C4orf51: variants seen among roughly 807,000 people sequenced by gnomAD.
C4orf51 encodes the protein chromosome 4 open reading frame 51, also known as uncharacterized protein C4orf51.
In C4orf51, 25 loss-of-function variants were observed where a neutral mutation model predicts 25.2. The ratio of observed to expected loss-of-function variants is 0.99; its 90% CI spans 0.72 to 1.39. C4orf51 has a LOEUF of 1.39. C4orf51 is among the 40% of genes most tolerant of loss of function. C4orf51 has a pLI of 0.00. For synonymous variants in C4orf51, 100 were observed against 84.5 expected (o/e 1.18, Z -1.01); for missense variants, 252 against 239.6 (o/e 1.05, Z -0.34).
intron 1 of C4orf51, among the ~76,000 whole-genome samples, chr4:145,693,149 C>A (rs1039000098): frequency 1.4e-5 from 2 of 146,534 alleles, no homozygotes; most frequent in Non-Finnish European, 3.0e-5. Context: ...GAACAAAGGT[C>A]TCTGGTTTTC....
chr4:145,696,863 C>T (rs1730096394), intron 2 of C4orf51, among the ~76,000 whole-genome samples: 1 of 152,038 alleles, frequency 6.6e-6, no homozygotes. Flanking sequence ...TGAAACCCAT[C>T]TCTACCAAAA....
chr4:145,704,371 A>G (rs1730660777), intron 2 of C4orf51, among the ~76,000 whole-genome samples: 1 of 152,236 alleles, frequency 6.6e-6, no homozygotes, highest in Non-Finnish European at 1.5e-5. Context: ...AATTTCCCCC[A>G]CTTAGAATAG....
intron 2 of C4orf51, among the ~76,000 whole-genome samples, chr4:145,721,833 CTT>C (rs1046896730): frequency 6.6e-5 from 10 of 152,258 alleles, no homozygotes; most frequent in African/African-American, 2.2e-4. Flanking sequence ...TTTTAGTAGA[CTT>C]ATATGAACAA....
At chr4:145,696,980 T>C (rs1023185119) in intron 2 of C4orf51, among the ~76,000 whole-genome samples, 1 of 151,974 alleles carries the variant, frequency 6.6e-6, no homozygotes, top group Non-Finnish European at 1.5e-5. Context: ...GAGGTTGCAG[T>C]GAGCCGAGGT....
chr4:145,750,378 A>G (rs749934132), intron 1 of C4orf51, among the ~76,000 whole-genome samples: 2 of 144,562 alleles, frequency 1.4e-5, no homozygotes, highest in Non-Finnish European at 3.0e-5. Context: ...TGTTTGAAGG[A>G]TATTTTCACC....
chr4:145,721,368 C>T (rs1435744101), intron 2 of C4orf51, among the ~76,000 whole-genome samples: 3 of 147,178 alleles, frequency 2.0e-5, no homozygotes, highest in African/African-American at 7.6e-5. Context: ...AAAAAGATCA[C>T]ACTGGCCACC....
At chr4:145,692,251 G>GA (rs539047097) in intron 1 of C4orf51, among the ~76,000 whole-genome samples, 110 of 152,302 alleles carry the variant, frequency 7.2e-4, no homozygotes, top group South Asian at 1.7e-3. Flanking sequence ...TAATGAATAA[G>GA]AAAAAACTAT....
At chr4:145,696,887 A>G (rs558346972) in intron 2 of C4orf51, among the ~76,000 whole-genome samples, 2 of 151,954 alleles carry the variant, frequency 1.3e-5, no homozygotes, top group Admixed American at 6.5e-5. Flanking sequence ...CAAAAACAAT[A>G]TTAGCTGGGT....
downstream of C4orf51, among the ~76,000 whole-genome samples, chr4:145,754,662 C>T (rs1733844835): frequency 6.6e-6 from 1 of 152,210 alleles, no homozygotes; most frequent in Admixed American, 6.5e-5. Context: ...AAGCCGGGCG[C>T]AGTGGCTCGC....
the C4orf51 span, chr4:145,779,383 G>A: frequency 1.2e-6 from 2 of 1,614,080 alleles, no homozygotes; most frequent in Non-Finnish European, 1.7e-6. Context: ...CCTGTGTGCA[G>A]CGAGAGGTGT....
intron 2 of C4orf51, among the ~76,000 whole-genome samples, chr4:145,703,358 C>T (rs1157462868): frequency 1.3e-5 from 2 of 152,010 alleles, no homozygotes; most frequent in African/African-American, 4.8e-5. Flanking sequence ...TTTTCCTTTA[C>T]CTACCCAAAT....
At chr4:145,749,291 A>T (rs1733547050) in intron 1 of C4orf51, among the ~76,000 whole-genome samples, 1 of 151,886 alleles carries the variant, frequency 6.6e-6, no homozygotes, top group Non-Finnish European at 1.5e-5. Context: ...TTCATAGGTG[A>T]AGTGTATTTC....
intron 1 of C4orf51, among the ~76,000 whole-genome samples, chr4:145,688,795 A>G (rs962623168): frequency 3.9e-5 from 6 of 152,234 alleles, no homozygotes; most frequent in African/African-American, 1.4e-4. Flanking sequence ...TACAGTTCCA[A>G]TAGGTGTTTT....
In C4orf51 at chr4:145,732,774, A is replaced by T. The variant is rs1322136091; in HGVS notation, c.*214A>T. ...AGAGACAAAAGTTTTTATAATCTTT[A>T]TTAAATTTTCCTTTTTAAATAAATA... On this transcript the variant is annotated 3_prime_UTR_variant, in exon 6 of 6. Coordinates refer to ENST00000438731, the MANE Select transcript of C4orf51 (RefSeq NM_001080531.3). 9.5e-6 allele frequency: 4 copies of T among 420,410 alleles called. No homozygotes were observed. The East Asian group carries it at 1.5e-4, about 16-fold the overall frequency. The allele number at this position is 420,410 out of a possible 1,614,324, so 26.0% of individuals were successfully genotyped here.
intron 1 of C4orf51, among the ~76,000 whole-genome samples, chr4:145,744,424 A>G (rs1413982078): frequency 6.6e-6 from 1 of 152,214 alleles, no homozygotes; most frequent in African/African-American, 2.4e-5. Flanking sequence ...CCAAATTGTT[A>G]AGTCCTTCGG....
At chr4:145,706,327 A>G (rs1730810778) in intron 2 of C4orf51, among the ~76,000 whole-genome samples, 1 of 152,160 alleles carries the variant, frequency 6.6e-6, no homozygotes, top group South Asian at 2.1e-4. Flanking sequence ...TTCCATAAGG[A>G]ATTTCAGGTA....
the C4orf51 span, chr4:145,779,658 C>T: frequency 1.7e-6 from 2 of 1,150,400 alleles, no homozygotes; most frequent in Non-Finnish European, 2.4e-6. Flanking sequence ...TTTTCCTGCT[C>T]ATTTCCTGTC....
the C4orf51 span, among the ~76,000 whole-genome samples, chr4:145,781,911 T>A: frequency 6.6e-6 from 1 of 152,236 alleles, no homozygotes; most frequent in Admixed American, 6.5e-5. Context: ...TAAAAATAGA[T>A]AAGCACCTTA....
At chr4:145,738,279 G>A (rs539407534) in intron 1 of C4orf51, among the ~76,000 whole-genome samples, 3 of 152,016 alleles carry the variant, frequency 2.0e-5, no homozygotes, top group East Asian at 1.9e-4. Flanking sequence ...GTGAAACCCC[G>A]TCTCTACTAA....
Sources: gnomAD v4.1 joint callset for allele counts (sites outside exome capture counted in the v4.1 genomes callset) on GRCh38, gnomAD v4.1.1 for gene constraint, MANE v1.5 for transcripts, NCBI Gene and HGNC (gene_info 2026-07-23, HGNC 2026-07-21) for gene names.